Variants in AGBL1 observed in about 807,000 individuals in gnomAD.
The protein encoded by AGBL1 is cytosolic carboxypeptidase 4.
A neutral mutation model predicts 118.9 loss-of-function variants in AGBL1; 130 were observed. That is an observed-to-expected ratio of 1.09 (90% CI 0.95 to 1.26). The LOEUF (loss-of-function observed/expected upper bound fraction) is 1.26. Among genes scored for constraint, AGBL1 ranks in the 50% most tolerant of loss-of-function variants. AGBL1 has a pLI of 0.00. For synonymous variants in AGBL1, 555 were observed against 478.9 expected, an observed-to-expected ratio of 1.16 and a Z score of -2.08; for missense variants, 1,584 against 1,298.1, an observed-to-expected ratio of 1.22 and a Z score of -3.38.
At chr15:86,677,996 T>G (rs926253421) in intron 22 of AGBL1, among the ~76,000 whole-genome samples, 1 of 152,204 alleles carries the variant, frequency 6.6e-6, no homozygotes, top group Non-Finnish European at 1.5e-5. Context: ...ACTTAATTTA[T>G]TGTTTTAAAT....
intron 1 of AGBL1, among the ~76,000 whole-genome samples, chr15:86,134,604 CTTTTTTTTTT>C (rs141645590): frequency 4.7e-5 from 4 of 84,614 alleles, no homozygotes; most frequent in Admixed American, 1.4e-4. Flanking sequence ...TCAATGGTGC[CTTTTTTTTTT>C]TTTTTTTTTT....
chr15:86,781,429 A>G (rs1216461575), intron 22 of AGBL1, among the ~76,000 whole-genome samples: 3 of 151,226 alleles, frequency 2.0e-5, no homozygotes, highest in African/African-American at 7.3e-5. Context: ...GAGTTGATAT[A>G]AGAATTTAGT....
chr15:86,371,693 C>T (rs2080972932), intron 17 of AGBL1, among the ~76,000 whole-genome samples: 1 of 152,154 alleles, frequency 6.6e-6, no homozygotes, highest in Non-Finnish European at 1.5e-5. Flanking sequence ...CAGTTTCCAA[C>T]ACCGTGTGCA....
chr15:86,738,837 C>A (rs944207718), intron 22 of AGBL1, among the ~76,000 whole-genome samples: 1 of 152,014 alleles, frequency 6.6e-6, no homozygotes, highest in Admixed American at 6.6e-5. Flanking sequence ...GCCACTTCTA[C>A]ATACTTAAAA....
intron 5 of AGBL1, among the ~76,000 whole-genome samples, chr15:86,201,215 T>C (rs1054558057): frequency 6.6e-6 from 1 of 152,200 alleles, no homozygotes; most frequent in East Asian, 1.9e-4. Flanking sequence ...TGTACTTATC[T>C]ATAGATCAAT....
At chr15:86,767,243 G>T (rs561533552) in intron 22 of AGBL1, among the ~76,000 whole-genome samples, 1 of 151,816 alleles carries the variant, frequency 6.6e-6, no homozygotes, top group Admixed American at 6.6e-5. Flanking sequence ...CTTAACCTCC[G>T]GTCATCACTC....
intron 21 of AGBL1, among the ~76,000 whole-genome samples, chr15:86,564,712 A>G (rs909280589): frequency 6.6e-6 from 1 of 152,200 alleles, no homozygotes; most frequent in Non-Finnish European, 1.5e-5. Context: ...CCTGGATAAT[A>G]TCTTGCAGAG....
At chr15:86,904,499 G>C (rs2080254281) in intron 22 of AGBL1, among the ~76,000 whole-genome samples, 1 of 150,092 alleles carries the variant, frequency 6.7e-6, no homozygotes, top group South Asian at 2.1e-4. Flanking sequence ...ATAAGTGAGA[G>C]ATAAAATTAA....
rs1030266326 is a variant in AGBL1 at position 86,158,751 on chromosome 15, A to G, written c.395-182A>G. Reference sequence around the variant, plus strand: ...CTAGTTGCGGCACAGTCAAGTCATTACCTTAGTCATGGGAGACCCGAGAAT... The same window carrying G: ...CTAGTTGCGGCACAGTCAAGTCATTGCCTTAGTCATGGGAGACCCGAGAAT... On this transcript the variant is annotated intron_variant, in intron 4 of 22. Coordinates refer to ENST00000614907, the MANE Select transcript of AGBL1 (RefSeq NM_001386094.1). Among the ~76,000 whole-genome samples the G allele has an allele frequency of 5.9e-5, 9 of 152,328 alleles. 1 individual carries two copies. In the Middle Eastern group the frequency reaches 0.027, roughly 461 times the overall value.
At chr15:86,578,724 G>A (rs1277571212) in intron 21 of AGBL1, among the ~76,000 whole-genome samples, 1 of 150,796 alleles carries the variant, frequency 6.6e-6, no homozygotes, top group Admixed American at 6.6e-5. Context: ...GTTATTATAA[G>A]GGGGTGTCCC....
At position 86,270,068 on chromosome 15, in the gene AGBL1, G is replaced by A. The variant is rs1283683482; in HGVS notation, c.1987+1G>A. 2 of 1,609,410 alleles carry A rather than the reference G, an allele frequency of 1.2e-6. No individual in the cohort carries two copies. Among genetic ancestry groups the A allele is most frequent in the East Asian group, 2.2e-5 (1 of 44,794 alleles). ...AAGCCCAACAGCCAGTTTAATTATG[G>A]TATGAACGCTTGGGGAGCAGGGGCT... On this transcript the variant is annotated splice_donor_variant, in intron 14 of 22. Transcript: ENST00000614907. LOFTEE classifies it high-confidence loss of function.
At chr15:86,745,331 A>T (rs1197501667) in intron 22 of AGBL1, among the ~76,000 whole-genome samples, 1 of 152,252 alleles carries the variant, frequency 6.6e-6, no homozygotes, top group Non-Finnish European at 1.5e-5. Flanking sequence ...CTGTAAGTTT[A>T]CATGACCTGC....
chr15:87,005,846 T>C (rs2081494288), intron 24 of AGBL1, among the ~76,000 whole-genome samples: 1 of 152,210 alleles, frequency 6.6e-6, no homozygotes, highest in East Asian at 1.9e-4. Flanking sequence ...TGGTCTTTGA[T>C]GATAGTGACA....
intron 21 of AGBL1, among the ~76,000 whole-genome samples, chr15:86,624,397 G>C (rs76509587): frequency 1.3e-5 from 2 of 152,186 alleles, no homozygotes; most frequent in African/African-American, 2.4e-5. Flanking sequence ...CATTTATTGA[G>C]CACCTACAGT....
chr15:86,216,076 A>G (rs1392950946), intron 5 of AGBL1, among the ~76,000 whole-genome samples: 2 of 152,210 alleles, frequency 1.3e-5, no homozygotes, highest in African/African-American at 2.4e-5. Flanking sequence ...TAGAGATACA[A>G]TTGACGTTTG....
chr15:86,176,026 A>G (rs957112388), intron 5 of AGBL1, among the ~76,000 whole-genome samples: 7 of 152,204 alleles, frequency 4.6e-5, no homozygotes, highest in Non-Finnish European at 7.3e-5. Context: ...TCTAAATCCA[A>G]TGTTTTTTTG....
At chr15:86,318,990 T>A (rs2060725860) in intron 17 of AGBL1, among the ~76,000 whole-genome samples, 1 of 152,180 alleles carries the variant, frequency 6.6e-6, no homozygotes, top group Non-Finnish European at 1.5e-5. Context: ...AGCAAGGACA[T>A]TAAAACAAAC....
chr15:86,304,746 C>A (rs928645824), intron 17 of AGBL1, among the ~76,000 whole-genome samples: 2 of 152,212 alleles, frequency 1.3e-5, no homozygotes, highest in Admixed American at 6.6e-5. Flanking sequence ...GGTCTCCACA[C>A]CACTTCATTC....
chr15:86,105,345 C>G (rs912559989), intron 1 of AGBL1: 1 of 152,114 alleles, frequency 6.6e-6, no homozygotes, highest in Non-Finnish European at 1.5e-5. Flanking sequence ...TATGTAAGTA[C>G]CAATTTATAT....
Sources: gnomAD v4.1 joint callset for allele counts (sites outside exome capture counted in the v4.1 genomes callset) on GRCh38, gnomAD v4.1.1 for gene constraint, MANE v1.5 for transcripts, NCBI Gene and HGNC (gene_info 2026-07-23, HGNC 2026-07-21) for gene names.